The following TNS1 variants were observed in gnomAD, a reference collection of about 807,000 sequenced individuals.
TNS1 encodes the protein tensin-1.
TNS1 carries 62 observed loss-of-function variants against 168.6 expected under a neutral mutation model. The observed-to-expected ratio is 0.37, with a 90% CI of 0.30 to 0.45. The LOEUF (loss-of-function observed/expected upper bound fraction) is 0.45, where lower values mean the gene tolerates loss of function less well. Ranked by LOEUF, TNS1 falls within the 20% of genes least tolerant of loss-of-function variation. The probability of loss-of-function intolerance (pLI) is 1.00; values close to 1 mark genes in which losing one functional copy is unlikely to be tolerated. For missense variants in TNS1, 2,240 were observed against 2,339.4 expected (o/e 0.96, Z 0.88); for synonymous variants, 934 against 933.2 (o/e 1.00, Z -0.02).
chr2:217,884,070 T>C (rs1047911535), intron 16 of TNS1, among the ~76,000 whole-genome samples: 2 of 144,116 alleles, frequency 1.4e-5, no homozygotes, highest in Non-Finnish European at 3.0e-5. Flanking sequence ...TTCTTTCTGT[T>C]CATATCTATA....
chr2:218,014,858 GGGAAGGAAGGACGGAA>G (rs1261942946), upstream of TNS1, among the ~76,000 whole-genome samples: 14,122 of 135,664 alleles, frequency 0.1, 850 homozygotes, highest in East Asian at 0.18. Context: ...GATTGCAGGA[GGGAAGGAAGGACGGAA>G]GGAAGGAAGG....
chr2:217,901,981 G>GA (rs1384476865), intron 6 of TNS1: 1 of 152,326 alleles, frequency 6.6e-6, no homozygotes, highest in East Asian at 1.9e-4. Context: ...CCTCAGCAGT[G>GA]AAGGAGGGAA....
At chr2:217,990,434 G>A (rs1224460246) in intron 2 of TNS1, among the ~76,000 whole-genome samples, 5 of 122,436 alleles carry the variant, frequency 4.1e-5, no homozygotes, top group African/African-American at 1.6e-4. Context: ...ACCTCCACAT[G>A]CCACCACACA....
At chr2:218,028,487 A>G (rs1212176968) in intron 1 of TNS1, among the ~76,000 whole-genome samples, 1 of 152,210 alleles carries the variant, frequency 6.6e-6, no homozygotes, top group East Asian at 1.9e-4. Flanking sequence ...TTTATTGAGT[A>G]TCCAGATGTC....
At chr2:218,005,192 G>A (rs1028023527), upstream of TNS1, among the ~76,000 whole-genome samples, 1 of 152,204 alleles carries the variant, frequency 6.6e-6, no homozygotes, top group Non-Finnish European at 1.5e-5. Flanking sequence ...CACTGAAGAC[G>A]CCTCCAGGCA....
intron 16 of TNS1, among the ~76,000 whole-genome samples, chr2:217,883,450 A>C (rs1950869850): frequency 6.6e-6 from 1 of 151,816 alleles, no homozygotes; most frequent in African/African-American, 2.4e-5. Context: ...TTTTTTGTAG[A>C]GATGGGGTCT....
intron 18 of TNS1, among the ~76,000 whole-genome samples, chr2:217,860,736 A>G (rs1948703568): frequency 6.6e-6 from 1 of 152,250 alleles, no homozygotes; most frequent in African/African-American, 2.4e-5. Flanking sequence ...GATGTCCCAG[A>G]TTGAATGTGC....
intron 1 of TNS1, among the ~76,000 whole-genome samples, 171 bp from the exon 2 acceptor site, chr2:217,991,227 A>G (rs188438255): frequency 4.8e-4 from 73 of 152,272 alleles, no homozygotes; most frequent in African/African-American, 1.7e-3. Context: ...GTGGGGTGAC[A>G]GGATGTTCAT....
chr2:217,804,543 A>G lies in TNS1; in HGVS notation c.5436T>C (p.Phe1812=). Residue 1812 remains phenylalanine (F), a synonymous_variant, in exon 33 of 33, where the codon TTT becomes TTC. Transcript: ENST00000682258. ...GSTTDNACHL[F]AELDPNQPAS... ...CCGGCTGGTTGGGGTCAAGCTCAGC[A>G]AAGAGGTGGCAGGCGTTGTCCGTGG... is the stretch of plus-strand genomic sequence containing the variant. 1.2e-6 allele frequency: 2 copies of G among 1,614,164 alleles called. No individual in the cohort carries two copies. Among genetic ancestry groups the G allele is most frequent in the Non-Finnish European group, 1.7e-6 (2 of 1,180,010 alleles).
At chr2:217,819,269 C>T (rs537870845) in intron 23 of TNS1, among the ~76,000 whole-genome samples, 2 of 152,168 alleles carry the variant, frequency 1.3e-5, no homozygotes, top group Admixed American at 6.5e-5. Context: ...TCCTAGATGG[C>T]TCCAAAAAAG....
intron 12 of TNS1, among the ~76,000 whole-genome samples, chr2:217,887,760 G>A (rs1408021975): frequency 1.3e-5 from 2 of 152,176 alleles, no homozygotes; most frequent in Admixed American, 6.5e-5. Context: ...GGAAGTGGAT[G>A]GGGAGAGCAG....
At chr2:217,808,439 A>G (rs975588478) in intron 31 of TNS1, among the ~76,000 whole-genome samples, 164 bp downstream of exon 31, 8 of 152,144 alleles carry the variant, frequency 5.3e-5, no homozygotes, top group Non-Finnish European at 1.0e-4. Flanking sequence ...GGAAAGACTC[A>G]AAAGATGCCC....
chr2:218,030,377 A>G (rs532808948), intron 1 of TNS1, among the ~76,000 whole-genome samples: 2 of 152,180 alleles, frequency 1.3e-5, no homozygotes, highest in South Asian at 4.2e-4. Flanking sequence ...CACCCATCAC[A>G]TCCTGAACTT....
intron 3 of TNS1, among the ~76,000 whole-genome samples, chr2:217,960,393 G>A (rs1957468009): frequency 6.6e-6 from 1 of 152,158 alleles, no homozygotes; most frequent in African/African-American, 2.4e-5. Context: ...CTCTGACAGT[G>A]GAGGGCAAGG....
chr2:217,917,597 C>T (rs1005713705), intron 4 of TNS1, among the ~76,000 whole-genome samples: 2 of 151,824 alleles, frequency 1.3e-5, no homozygotes, highest in African/African-American at 2.4e-5. Context: ...TTTGAGAGGC[C>T]GAGGCGGGAG....
intron 3 of TNS1, among the ~76,000 whole-genome samples, chr2:217,927,227 C>G (rs529855813): frequency 2.0e-5 from 3 of 152,096 alleles, no homozygotes; most frequent in Non-Finnish European, 4.4e-5. Context: ...ATTAAAAAGG[C>G]ATGGAGGTGG....
At chr2:217,854,268 A>G (rs895716679) in intron 18 of TNS1, among the ~76,000 whole-genome samples, 2 of 152,236 alleles carry the variant, frequency 1.3e-5, no homozygotes, top group African/African-American at 4.8e-5. Flanking sequence ...ATGTTAGGAC[A>G]GACGGCCCAA....
At chr2:217,805,473 CA>C (rs1559131565) in intron 32 of TNS1, among the ~76,000 whole-genome samples, 1 of 60,458 alleles carries the variant, frequency 1.7e-5, no homozygotes, top group Non-Finnish European at 3.8e-5. Flanking sequence ...CCACCACACA[CA>C]CCACACACAC....
At chr2:217,886,959 A>C in intron 12 of TNS1, among the ~76,000 whole-genome samples, 1 of 152,096 alleles carries the variant, frequency 6.6e-6, no homozygotes, top group Non-Finnish European at 1.5e-5. Flanking sequence ...CAGCCCGAGA[A>C]TCTCCTGCTG....
Sources: allele counts gnomAD v4.1 joint callset (sites outside exome capture counted in the v4.1 genomes callset), GRCh38; gene constraint gnomAD v4.1.1; transcripts MANE v1.5; gene names NCBI Gene and HGNC (gene_info 2026-07-23, HGNC 2026-07-21).